Variants in KANSL1 observed in about 807,000 individuals in gnomAD.
KANSL1 encodes MLL1/MLL complex subunit KANSL1.
In KANSL1, 22 loss-of-function variants were observed where a neutral mutation model predicts 103.6. That is an observed-to-expected ratio of 0.21 (90% CI 0.15 to 0.30). The LOEUF (loss-of-function observed/expected upper bound fraction) is 0.30, where lower values mean the gene tolerates loss of function less well. Among genes scored for constraint, KANSL1 ranks in the 10% least tolerant of loss-of-function variants. The pLI is 1.00. For missense variants in KANSL1, 1,337 were observed against 1,399.8 expected (o/e 0.96, Z 0.72); for synonymous variants, 600 against 527.6 (o/e 1.14, Z -1.88).
intron 1 of KANSL1, among the ~76,000 whole-genome samples, chr17:46,201,100 C>T (rs886369610): frequency 1.3e-5 from 2 of 152,094 alleles, no homozygotes; most frequent in Non-Finnish European, 2.9e-5. Context: ...TTAGTAGAGA[C>T]GGAGTTTCGC....
At chr17:46,133,725 C>A (rs943692332) in intron 2 of KANSL1, among the ~76,000 whole-genome samples, 1 of 152,110 alleles carries the variant, frequency 6.6e-6, no homozygotes, top group African/African-American at 2.4e-5. Context: ...TTTCAGGTAA[C>A]TGAAAGTGGA....
chr17:46,035,533 G>C (rs767443457), intron 10 of KANSL1: 3 of 152,080 alleles, frequency 2.0e-5, no homozygotes, highest in African/African-American at 7.2e-5. Flanking sequence ...GACTGCCATT[G>C]ACCTCAGAAA....
At chr17:46,067,166 T>C (rs2078409660) in intron 5 of KANSL1, among the ~76,000 whole-genome samples, 1 of 152,212 alleles carries the variant, frequency 6.6e-6, no homozygotes, top group African/African-American at 2.4e-5. Flanking sequence ...GTACAGAATC[T>C]CCCTGAATCT....
At chr17:46,174,701 G>C (rs1303077164) in intron 1 of KANSL1, among the ~76,000 whole-genome samples, 1 of 152,188 alleles carries the variant, frequency 6.6e-6, no homozygotes, top group African/African-American at 2.4e-5. Context: ...TTGAAACAGG[G>C]TCTAGCTCTG....
chr17:46,111,447 T>A (rs1013360091), intron 2 of KANSL1, among the ~76,000 whole-genome samples: 9 of 152,334 alleles, frequency 5.9e-5, no homozygotes, highest in Admixed American at 5.9e-4. Context: ...TGACCTCAGA[T>A]GATCCCCCTG....
At chr17:46,186,359 G>A (rs112347948) in intron 1 of KANSL1, among the ~76,000 whole-genome samples, 1 of 151,450 alleles carries the variant, frequency 6.6e-6, no homozygotes, top group South Asian at 2.1e-4. Flanking sequence ...CCTCCAGCCT[G>A]GGGCACAGAG....
Position 46,036,184 on chromosome 17 carries a change from G to A in KANSL1, c.2542-1899C>T, listed in dbSNP as rs544176363. Among the ~76,000 whole-genome samples, 14 of 152,306 alleles carry A rather than the reference G, an allele frequency of 9.2e-5. No individual in the cohort carries two copies. In the South Asian group the frequency reaches 2.7e-3, roughly 29 times the overall value. On this transcript the variant is annotated intron_variant, in intron 10 of 14. Coordinates refer to ENST00000432791, the MANE Select transcript of KANSL1 (RefSeq NM_015443.4). ...TCTTCCTGAGTAGCTGGAGCTACAG[G>A]CATGCAATATCACAGCCAGCAACAA...
rs192409553 is a variant in KANSL1, at chr17:46,119,629, T to C, written c.1290-24928A>G. 4.6e-5 allele frequency among the ~76,000 whole-genome samples: 7 copies of C among 151,272 alleles called. No individual in the cohort carries two copies. The East Asian group carries it at 9.6e-4, about 21-fold the overall frequency. The stretch of plus-strand genomic sequence containing the variant: ...GCCCAGAGTCCTGAATTTTAACCAC[T>C]ACACTTCATCTAAAATTCAACTTGT... On this transcript the variant is annotated intron_variant, in intron 2 of 14. Transcript: ENST00000432791.
At chr17:46,053,311 A>T (rs1598489251) in intron 6 of KANSL1, among the ~76,000 whole-genome samples, 1 of 152,088 alleles carries the variant, frequency 6.6e-6, no homozygotes, top group East Asian at 1.9e-4. Context: ...TTAAAAAAAT[A>T]AAATAAAGGG....
chr17:46,170,849 A>G lies in KANSL1; in HGVS notation c.1289+6T>C. On this transcript the variant is annotated splice_donor_region_variant and intron_variant, in intron 2 of 14. Transcript: ENST00000432791. Reference sequence around the variant, plus strand: ...AAGAATGCTATCATGCATGAGGTCTACTCACAGGGGTACATGACGCTGCTC... The same window carrying G: ...AAGAATGCTATCATGCATGAGGTCTGCTCACAGGGGTACATGACGCTGCTC... The G allele has an allele frequency of 6.3e-7, 1 of 1,593,088 alleles. No homozygotes were observed. The highest frequency in any genetic ancestry group is 8.5e-7 in the Non-Finnish European group (1 of 1,169,998).
intron 6 of KANSL1, among the ~76,000 whole-genome samples, chr17:46,054,078 A>G (rs2077827218): frequency 6.6e-6 from 1 of 152,098 alleles, no homozygotes; most frequent in Admixed American, 6.5e-5. Context: ...GATCATGTCC[A>G]CTGCACTCCA....
At chr17:46,105,272 C>G (rs1419254818) in intron 2 of KANSL1, among the ~76,000 whole-genome samples, 1 of 152,204 alleles carries the variant, frequency 6.6e-6, no homozygotes. Context: ...AAAAGTTAAA[C>G]TGAGGTTAGA....
Position 46,124,177 on chromosome 17 carries a change from C to G in KANSL1, c.1290-29476G>C, listed in dbSNP as rs1044948584. 3.3e-5 allele frequency among the ~76,000 whole-genome samples: 5 copies of G among 152,176 alleles called. No individual in the cohort carries two copies. The South Asian group carries it at 8.3e-4, about 25-fold the overall frequency. On this transcript the variant is annotated intron_variant, in intron 2 of 14. Transcript: ENST00000432791. ...ACTCTGGGAGGCCAAGGAGGGAGAACTGCTTGAGCCCAGTAGTTGGAGACC... is the reference window on the plus strand; with the variant it reads ...ACTCTGGGAGGCCAAGGAGGGAGAAGTGCTTGAGCCCAGTAGTTGGAGACC...
chr17:46,126,609 C>T (rs1257378175), intron 2 of KANSL1, among the ~76,000 whole-genome samples: 2 of 151,666 alleles, frequency 1.3e-5, no homozygotes, highest in East Asian at 3.9e-4. Context: ...ATTTTTTTTT[C>T]TTAATAAGAA....
chr17:46,207,489 A>G (rs2048008443), intron 1 of KANSL1, among the ~76,000 whole-genome samples: 1 of 151,456 alleles, frequency 6.6e-6, no homozygotes, highest in South Asian at 2.1e-4. Context: ...AGCCTGGGTG[A>G]CAGAGCAAGA....
At chr17:46,213,234 T>C (rs1484872616) in intron 1 of KANSL1, among the ~76,000 whole-genome samples, 1 of 152,242 alleles carries the variant, frequency 6.6e-6, no homozygotes, top group Non-Finnish European at 1.5e-5. Context: ...TCTAAACTCA[T>C]ACTTAACAGA....
intron 2 of KANSL1, chr17:46,156,698 G>A (rs1528073): frequency 0.13 from 19,808 of 149,324 alleles, 60 homozygotes; most frequent in Middle Eastern, 0.19. Flanking sequence ...CAAGGAACTC[G>A]GCCCACAATG....
chr17:46,096,311 CTTTTTTT>C (rs71138525), intron 2 of KANSL1, among the ~76,000 whole-genome samples: 6 of 76,406 alleles, frequency 7.9e-5, no homozygotes, highest in South Asian at 3.4e-4. Context: ...GCTTTTTTTT[CTTTTTTT>C]TTTTTTTTTT....
At chr17:46,149,162 C>G in intron 2 of KANSL1, among the ~76,000 whole-genome samples, 1 of 152,120 alleles carries the variant, frequency 6.6e-6, no homozygotes, top group Non-Finnish European at 1.5e-5. Context: ...ACCACTGCGC[C>G]CAGCTGATTT....
Sources: allele counts gnomAD v4.1 joint callset (sites outside exome capture counted in the v4.1 genomes callset), GRCh38; gene constraint gnomAD v4.1.1; transcripts MANE v1.5; gene names NCBI Gene and HGNC (gene_info 2026-07-23, HGNC 2026-07-21).